The following FKBP7 variants were observed in gnomAD, a reference collection of about 807,000 sequenced individuals.
The protein encoded by FKBP7 is peptidyl-prolyl cis-trans isomerase FKBP7.
A neutral mutation model predicts 24.3 loss-of-function variants in FKBP7; 24 were observed. That is an observed-to-expected ratio of 0.99 (90% CI 0.72 to 1.39). The LOEUF (loss-of-function observed/expected upper bound fraction) is 1.39, where lower values mean the gene tolerates loss of function less well. FKBP7 is among the 40% of genes most tolerant of loss of function. FKBP7 has a pLI of 0.00. For missense variants in FKBP7, 257 were observed against 269.5 expected (o/e 0.95, Z 0.33); for synonymous variants, 98 against 92.8 (o/e 1.06, Z -0.32).
intron 3 of FKBP7, among the ~76,000 whole-genome samples, chr2:178,466,296 T>G (rs1559375594): frequency 1.3e-5 from 2 of 152,174 alleles, no homozygotes; most frequent in Admixed American, 6.5e-5. Flanking sequence ...GGCATTTCTA[T>G]AATCTCTAAA....
rs2154126511 is a variant in FKBP7, at chr2:178,464,128, T to C, written c.*1642A>G. The C allele has an allele frequency of 6.6e-6, 1 of 152,294 alleles. No individual in the cohort carries two copies. Among genetic ancestry groups the C allele is most frequent in the South Asian group, 2.1e-4 (1 of 4,826 alleles). The allele number at this position is 152,294 out of a possible 1,614,324, so 9.4% of individuals were successfully genotyped here. A position where few individuals can be genotyped will look rare whatever the true frequency, so the allele number is the denominator to read the frequency against. ...TTACCCCTATGTATACTTTTGTTTG[T>C]TTTTGTATGTACTCATCTGAAAGCC... On this transcript the variant is annotated 3_prime_UTR_variant, in exon 4 of 4. Coordinates refer to ENST00000424785, the MANE Select transcript of FKBP7 (RefSeq NM_181342.3).
At chr2:178,478,068 T>A (rs1433702149) in intron 1 of FKBP7, among the ~76,000 whole-genome samples, 1 of 152,246 alleles carries the variant, frequency 6.6e-6, no homozygotes, top group Non-Finnish European at 1.5e-5. Flanking sequence ...TGATAATTTA[T>A]TGCCACAACA....
intron 2 of FKBP7, among the ~76,000 whole-genome samples, chr2:178,475,175 A>G (rs528171346): frequency 2.6e-5 from 4 of 152,162 alleles, no homozygotes; most frequent in Non-Finnish European, 5.9e-5. Flanking sequence ...GTTCTTTTAC[A>G]TATACCTTTG....
intron 2 of FKBP7, among the ~76,000 whole-genome samples, chr2:178,471,025 A>C (rs1684835711): frequency 6.7e-6 from 1 of 149,600 alleles, no homozygotes. Flanking sequence ...TTACAGGTGC[A>C]CACCAGGCAT....
At chr2:178,475,449 C>T (rs558745929) in intron 2 of FKBP7, among the ~76,000 whole-genome samples, 5 of 152,146 alleles carry the variant, frequency 3.3e-5, no homozygotes, top group South Asian at 2.1e-4. Context: ...AGACTGGTCT[C>T]GAACTCCTGA....
Position 178,474,597 on chromosome 2 carries a change from A to T in FKBP7, c.373+2465T>A, listed in dbSNP as rs186645148. ...TGAAAGCTCATAGAGGATTGGGAGT[A>T]GTGTCTACTTTGGTCACTGCTTTAT... On this transcript the variant is annotated intron_variant, in intron 2 of 3. Coordinates refer to ENST00000424785, the MANE Select transcript of FKBP7 (RefSeq NM_181342.3). Among the ~76,000 whole-genome samples the T allele has an allele frequency of 1.8e-4, 28 of 152,348 alleles. 1 individual carries two copies. Among genetic ancestry groups the T allele is most frequent in the Non-Finnish European group, 8.8e-5 (6 of 68,032 alleles).
At chr2:178,478,231 C>T in intron 1 of FKBP7, 48 bp downstream of exon 1, 1 of 1,606,630 alleles carries the variant, frequency 6.2e-7, no homozygotes, top group Non-Finnish European at 8.5e-7. Flanking sequence ...TGGAGGCAGG[C>T]AAGATTTTGT....
chr2:178,469,876 A>G, intron 2 of FKBP7, 91 bp from the exon 3 acceptor site: 1 of 1,032,822 alleles, frequency 9.7e-7, no homozygotes, highest in Non-Finnish European at 1.3e-6. Flanking sequence ...ATATTATTTC[A>G]TGTTGATAAG....
Position 178,478,469 on chromosome 2 carries a change from A to G in FKBP7, c.31T>C (p.Phe11Leu), listed in dbSNP as rs1488448559. The G allele has an allele frequency of 6.2e-7, 1 of 1,614,168 alleles. No homozygotes were observed. MPKTMHFLFR[F>L]IVFFYLWGLF... The stretch of plus-strand genomic sequence containing the variant: ...CCCCACAGATAAAAGAAAACAATGA[A>G]TCTGAATAAGAAATGCATGGTTTTT... The change falls in exon 1 of 4, where the codon TTC (phenylalanine) becomes CTC (leucine). Residue 11 changes from phenylalanine to leucine, a missense_variant. Transcript: ENST00000424785.
At chr2:178,466,287 G>T (rs1684655216) in intron 3 of FKBP7, among the ~76,000 whole-genome samples, 1 of 152,022 alleles carries the variant, frequency 6.6e-6, no homozygotes, top group Non-Finnish European at 1.5e-5. Flanking sequence ...AACCCAATTG[G>T]CATTTCTATA....
intron 2 of FKBP7, among the ~76,000 whole-genome samples, chr2:178,470,678 G>C (rs1412125651): frequency 6.6e-6 from 1 of 151,900 alleles, no homozygotes; most frequent in Non-Finnish European, 1.5e-5. Flanking sequence ...GCTGGGCACA[G>C]TGGCTCACAC....
chr2:178,472,901 GTT>G (rs202059949), intron 2 of FKBP7: 3,598 of 176,944 alleles, frequency 0.02, 56 homozygotes, highest in African/African-American at 0.049. Context: ...TCTTTTTCTT[GTT>G]TTTTTTTTTT....
At chr2:178,469,032 C>T (rs1234653791) in intron 3 of FKBP7, among the ~76,000 whole-genome samples, 1 of 151,774 alleles carries the variant, frequency 6.6e-6, no homozygotes, top group African/African-American at 2.4e-5. Flanking sequence ...CCATGCCTGG[C>T]TAATTTATTA....
chr2:178,476,509 C>G (rs928176514), intron 2 of FKBP7, among the ~76,000 whole-genome samples: 2 of 152,138 alleles, frequency 1.3e-5, no homozygotes, highest in Non-Finnish European at 2.9e-5. Context: ...CCCCTTTTCC[C>G]TCTCACTTCA....
chr2:178,467,683 T>C (rs145594462), intron 3 of FKBP7: 20 of 152,348 alleles, frequency 1.3e-4, no homozygotes, highest in African/African-American at 4.8e-4. Flanking sequence ...TGATATCACA[T>C]AGACATCTGG....
At chr2:178,469,007 C>T (rs1684768385) in intron 3 of FKBP7, among the ~76,000 whole-genome samples, 1 of 151,610 alleles carries the variant, frequency 6.6e-6, no homozygotes, top group African/African-American at 2.4e-5. Flanking sequence ...TAGCTGGGAC[C>T]ACAGGTATGC....
intron 2 of FKBP7, among the ~76,000 whole-genome samples, chr2:178,472,243 T>G (rs753901067): frequency 7.9e-5 from 12 of 151,780 alleles, no homozygotes; most frequent in Non-Finnish European, 1.6e-4. Context: ...CCCAGCTATT[T>G]TTTGTATTTT....
At position 178,474,589 on chromosome 2, in the gene FKBP7, T is replaced by C. The variant is rs7597878; in HGVS notation, c.373+2473A>G. Among the ~76,000 whole-genome samples, 1,470 of 152,292 alleles carry C rather than the reference T, an allele frequency of 9.7e-3. 19 individuals are homozygous for C. The highest frequency in any genetic ancestry group is 0.034 in the African/African-American group (1,404 of 41,570). On this transcript the variant is annotated intron_variant, in intron 2 of 3. Transcript: ENST00000424785. Reference sequence around the variant, plus strand: ...CTCTGAAATGAAAGCTCATAGAGGATTGGGAGTAGTGTCTACTTTGGTCAC... The same window carrying C: ...CTCTGAAATGAAAGCTCATAGAGGACTGGGAGTAGTGTCTACTTTGGTCAC...
rs207462676 is a variant in FKBP7 at position 178,464,396 on chromosome 2, C to T, written c.*1374G>A. 3 of 152,220 alleles carry T rather than the reference C, an allele frequency of 2.0e-5. No homozygotes were observed. Among genetic ancestry groups the T allele is most frequent in the African/African-American group, 4.8e-5 (2 of 41,442 alleles). 9.4% of individuals were successfully genotyped at this position (152,220 alleles called of 1,614,324 possible). On this transcript the variant is annotated 3_prime_UTR_variant, in exon 4 of 4. Transcript: ENST00000424785. ...GTAAAGGAAAGAGGTTAAATTGACT[C>T]ATGGTTCCCCATGGCTGGGGAGGCC...
Sources: allele counts gnomAD v4.1 joint callset (sites outside exome capture counted in the v4.1 genomes callset), GRCh38; gene constraint gnomAD v4.1.1; transcripts MANE v1.5; gene names NCBI Gene and HGNC (gene_info 2026-07-23, HGNC 2026-07-21).